Variants in RUNX1T1 observed in about 807,000 individuals in gnomAD.
The protein encoded by RUNX1T1 is RUNX1 partner transcriptional co-repressor 1.
Under a neutral mutation model 62.8 loss-of-function variants are expected in RUNX1T1, and 4 were observed. The ratio of observed to expected loss-of-function variants is 0.06; its 90% confidence interval spans 0.03 to 0.15. The LOEUF (loss-of-function observed/expected upper bound fraction) is 0.15. Among genes scored for constraint, RUNX1T1 ranks in the 10% least tolerant of loss-of-function variants. The probability of loss-of-function intolerance (pLI) is 1.00; values close to 1 mark genes in which losing one functional copy is unlikely to be tolerated. For missense variants in RUNX1T1, 508 were observed against 754.3 expected, an observed-to-expected ratio of 0.67 and a Z score of 3.82; for synonymous variants, 291 against 286.0, an observed-to-expected ratio of 1.02 and a Z score of -0.18.
exon 11 of RUNX1T1, chr8:91,959,992 G>A (rs1810078151): frequency 1.9e-6 from 1 of 534,026 alleles, no homozygotes; most frequent in Admixed American, 3.2e-5. Flanking sequence ...TATATTCTCT[G>A]CTCTCTTTTC....
At chr8:92,080,034 A>T (rs565799901) in intron 1 of RUNX1T1, among the ~76,000 whole-genome samples, 1 of 151,428 alleles carries the variant, frequency 6.6e-6, no homozygotes, top group South Asian at 2.1e-4. Flanking sequence ...AATTATATTT[A>T]GCACTACATG....
At chr8:92,069,159 A>T (rs937391181) in intron 2 of RUNX1T1, among the ~76,000 whole-genome samples, 5 of 151,970 alleles carry the variant, frequency 3.3e-5, no homozygotes, top group African/African-American at 9.7e-5. Context: ...GTATTTCCCA[A>T]ATCTTCTAAA....
chr8:92,011,617 G>A (rs1821945629), intron 3 of RUNX1T1, among the ~76,000 whole-genome samples: 1 of 152,180 alleles, frequency 6.6e-6, no homozygotes, highest in African/African-American at 2.4e-5. Context: ...GAACATCAAA[G>A]TTGGGTAGTG....
At chr8:92,031,356 T>G (rs1563801418) in intron 1 of RUNX1T1, among the ~76,000 whole-genome samples, 1 of 152,242 alleles carries the variant, frequency 6.6e-6, no homozygotes, top group Non-Finnish European at 1.5e-5. Context: ...TAGATTTTTT[T>G]CTAGAATTTT....
At position 92,043,038 on chromosome 8, in the gene RUNX1T1, A is replaced by G. The variant is rs1381077788; in HGVS notation, c.7+19508T>C. ...TATCCAGACAATTCACCTGGACCTC[A>G]GTCTCTCCTATTTCTCATTTCTCTC... is the stretch of plus-strand genomic sequence containing the variant. On this transcript the variant is annotated intron_variant, in intron 1 of 10. Coordinates refer to ENST00000396218, the Ensembl canonical transcript of RUNX1T1. 3.3e-5 allele frequency among the ~76,000 whole-genome samples: 5 copies of G among 152,168 alleles called. No homozygotes were observed. The East Asian group carries it at 5.8e-4, about 18-fold the overall frequency.
At position 92,071,801 on chromosome 8, in the gene RUNX1T1, G is replaced by A. The variant is rs543352966; in HGVS notation, c.88+4164C>T. Among the ~76,000 whole-genome samples, 6 of 152,242 alleles carry A rather than the reference G, an allele frequency of 3.9e-5. No individual in the cohort carries two copies. In the South Asian group the frequency reaches 1.2e-3, roughly 32 times the overall value. On this transcript the variant is annotated intron_variant, in intron 2 of 11. Coordinates refer to the RUNX1T1 transcript ENST00000265814. ...GGCTGCTGGGTATGAGCCTGACCCCGAAGCTGCGGCTCCATGGTTCTGCAT... is the reference window on the plus strand; with the variant it reads ...GGCTGCTGGGTATGAGCCTGACCCCAAAGCTGCGGCTCCATGGTTCTGCAT...
At chr8:92,087,779 G>A (rs1379844109) in intron 1 of RUNX1T1, among the ~76,000 whole-genome samples, 2 of 152,062 alleles carry the variant, frequency 1.3e-5, no homozygotes, top group African/African-American at 4.8e-5. Flanking sequence ...CTTTACCATG[G>A]CTACCAAAAC....
intron 5 of RUNX1T1, among the ~76,000 whole-genome samples, chr8:91,994,328 A>G (rs2165905): frequency 0.26 from 40,130 of 152,226 alleles, 6,028 homozygotes; most frequent in African/African-American, 0.41. Flanking sequence ...CTGATTTATC[A>G]TCTAAGAATA....
intron 5 of RUNX1T1, among the ~76,000 whole-genome samples, chr8:91,996,936 A>T (rs1427959743): frequency 6.6e-6 from 1 of 150,974 alleles, no homozygotes; most frequent in African/African-American, 2.4e-5. Context: ...AGCCTGGCCG[A>T]CATGGTGAAA....
At chr8:91,986,052 A>T (rs1307688454) in intron 8 of RUNX1T1, 72 bp downstream of exon 9, 3 of 1,031,568 alleles carry the variant, frequency 2.9e-6, no homozygotes, top group Non-Finnish European at 4.6e-6. Context: ...TAATTTTAAA[A>T]ATAAAAATGA....
chr8:91,986,037 T>A (rs1293644973), intron 8 of RUNX1T1, 87 bp downstream of exon 9: 2 of 921,476 alleles, frequency 2.2e-6, no homozygotes, highest in Admixed American at 1.8e-5. Context: ...TCCTTGCATA[T>A]CCTTTAATTT....
exon 6 of RUNX1T1, chr8:91,991,677 G>A: frequency 6.2e-7 from 1 of 1,614,070 alleles, no homozygotes; most frequent in Non-Finnish European, 8.5e-7. Flanking sequence ...CCTGTGGCTG[G>A]GGTGTCGATA....
At chr8:92,012,533 A>G (rs1822156893) in intron 3 of RUNX1T1, among the ~76,000 whole-genome samples, 1 of 152,108 alleles carries the variant, frequency 6.6e-6, no homozygotes, top group South Asian at 2.1e-4. Context: ...GGTGACAGAG[A>G]AAGACCCTGT....
intron 4 of RUNX1T1, chr8:92,010,513 A>G (rs944933008): frequency 2.0e-5 from 3 of 152,366 alleles, no homozygotes; most frequent in African/African-American, 7.2e-5. Context: ...GAGACTTAAA[A>G]ACCATTTCGA....
chr8:92,079,473 A>G (rs954467599), intron 1 of RUNX1T1, among the ~76,000 whole-genome samples: 2 of 152,164 alleles, frequency 1.3e-5, no homozygotes, highest in African/African-American at 4.8e-5. Context: ...TGAACAGAGC[A>G]CCATCTATGC....
chr8:91,976,129 A>T, intron 8 of RUNX1T1, 156 bp from the exon 10 acceptor site: 1 of 574,694 alleles, frequency 1.7e-6, no homozygotes, highest in Non-Finnish European at 3.2e-6. Flanking sequence ...TTGAAAACAC[A>T]TAAAAATAGC....
intron 1 of RUNX1T1, among the ~76,000 whole-genome samples, chr8:92,050,548 G>C (rs372051051): frequency 2.0e-5 from 3 of 152,020 alleles, no homozygotes; most frequent in African/African-American, 7.3e-5. Context: ...CCCTTTCAAC[G>C]GATGAGAAAC....
intron 8 of RUNX1T1, among the ~76,000 whole-genome samples, chr8:91,980,550 T>C (rs1814997303): frequency 6.6e-6 from 1 of 152,176 alleles, no homozygotes; most frequent in African/African-American, 2.4e-5. Flanking sequence ...TAGAAGTACT[T>C]TGTAGATGAA....
chr8:92,068,716 T>A (rs1330646096), intron 2 of RUNX1T1, among the ~76,000 whole-genome samples: 2 of 152,120 alleles, frequency 1.3e-5, no homozygotes, highest in Non-Finnish European at 2.9e-5. Context: ...AAAAAAAGAA[T>A]AACCTAAGGA....
Sources: allele counts gnomAD v4.1 joint callset (sites outside exome capture counted in the v4.1 genomes callset), GRCh38; gene constraint gnomAD v4.1.1; transcripts MANE v1.5; gene names NCBI Gene and HGNC (gene_info 2026-07-23, HGNC 2026-07-21).